The following ZNF669 variants were observed in gnomAD, a reference collection of about 807,000 sequenced individuals.
The protein encoded by ZNF669 is zinc finger protein 669.
Under a neutral mutation model 11.4 loss-of-function variants are expected in ZNF669, and 7 were observed. That is an observed-to-expected ratio of 0.62 (90% CI 0.35 to 1.16). The LOEUF (loss-of-function observed/expected upper bound fraction) is 1.16, where lower values mean the gene tolerates loss of function less well. Ranked by LOEUF, ZNF669 falls within the 50% of genes most tolerant of loss-of-function variation. The pLI, the probability that ZNF669 is intolerant of heterozygous loss-of-function variation, is 0.02. For missense variants in ZNF669, 492 were observed against 463.6 expected, an observed-to-expected ratio of 1.06 and a Z score of -0.56; for synonymous variants, 153 against 155.8, an observed-to-expected ratio of 0.98 and a Z score of 0.13.
At position 247,100,721 on chromosome 1, in the gene ZNF669, G is replaced by C. The variant is rs763192149; in HGVS notation, c.790C>G (p.Arg264Gly). The change falls in exon 4 of 4, where the codon CGT (arginine) becomes GGT (glycine). Residue 264 changes from arginine to glycine, a missense_variant. By Grantham distance (125) the Arg-to-Gly change is moderately radical. Transcript: ENST00000448299. ...CCAGTATGAATGCTTCCATGGTAAC[G>C]AAGGGAAGTGGAACAGCTGAAGGCT... ...DKAFSCSTSL[R>G]YHGSIHTGER... 1.9e-6 allele frequency: 3 copies of C among 1,614,184 alleles called. No individual in the cohort carries two copies. Among genetic ancestry groups the C allele is most frequent in the Non-Finnish European group, 1.7e-6 (2 of 1,180,026 alleles).
In ZNF669 at chr1:247,101,760, A is replaced by C. The variant is rs747815278; in HGVS notation, c.162T>G (p.Asp54Glu). ...GSQWKDQNIEDHFEKPGKDIR... is the reference protein window; with the variant it reads ...GSQWKDQNIEEHFEKPGKDIR... ...TATCTTTCCCAGGTTTTTCGAAGTG[A>C]TCTTCAATATTCTGGTCTTTCCATT... Residue 54 changes from aspartate to glutamate, a missense_variant, in exon 3 of 4, where the codon GAT becomes GAG. By Grantham distance (45) the Asp-to-Glu change is conservative. Coordinates refer to ENST00000448299, the MANE Select transcript of ZNF669 (RefSeq NM_001142572.2). 6.2e-7 allele frequency: 1 copy of C among 1,613,954 alleles called. No homozygotes were observed. Among genetic ancestry groups the C allele is most frequent in the Non-Finnish European group, 8.5e-7 (1 of 1,179,954 alleles).
chr1:247,103,432 G>A (rs1423670095), intron 1 of ZNF669, among the ~76,000 whole-genome samples: 1 of 151,972 alleles, frequency 6.6e-6, no homozygotes, highest in Non-Finnish European at 1.5e-5. Flanking sequence ...TCAGGAGTTC[G>A]AGACCAACCT....
intron 2 of ZNF669, 90 bp from the exon 3 acceptor site, chr1:247,101,881 C>A: frequency 6.3e-7 from 1 of 1,595,454 alleles, no homozygotes; most frequent in Non-Finnish European, 8.6e-7. Flanking sequence ...AGTGCCCATG[C>A]CTGATTTATT....
intron 1 of ZNF669, 42 bp from the exon 2 acceptor site, chr1:247,102,155 T>C: frequency 6.5e-7 from 1 of 1,539,332 alleles, no homozygotes; most frequent in South Asian, 1.2e-5. Context: ...TGGGTGAGAC[T>C]GACAGCACTG....
Position 247,100,505 on chromosome 1 carries a change from T to A in ZNF669, c.1006A>T (p.Lys336Ter). The A allele has an allele frequency of 6.2e-7, 1 of 1,614,240 alleles. No individual in the cohort carries two copies. The change falls in exon 4 of 4, where the codon AAA (lysine) becomes TAA (stop). Residue 336 changes from lysine (K) to a stop codon, truncating the protein, a stop_gained. Coordinates refer to ENST00000448299, the MANE Select transcript of ZNF669 (RefSeq NM_001142572.2). LOFTEE classifies it low-confidence loss of function (END_TRUNC). The stretch of plus-strand genomic sequence containing the variant: ...GAACGAGTGTAGGCTTTACCGCATT[T>A]CTTACATTCATAGGGTTTTTCTCCA... The part of the protein sequence containing the change: ...HTGEKPYECK[K>*]CGKAYTRSSH...
At chr1:247,103,021 T>C (rs1021455709) in intron 1 of ZNF669, among the ~76,000 whole-genome samples, 2 of 152,216 alleles carry the variant, frequency 1.3e-5, no homozygotes, top group African/African-American at 4.8e-5. Flanking sequence ...GAAAAACTAG[T>C]TTTTCATACC....
intron 1 of ZNF669, among the ~76,000 whole-genome samples, chr1:247,103,171 G>A (rs932980935): frequency 6.6e-6 from 1 of 152,108 alleles, no homozygotes; most frequent in East Asian, 1.9e-4. Flanking sequence ...GCAGACCAAG[G>A]GCTGAGGACA....
At chr1:247,101,685 A>G (rs773651273) in intron 3 of ZNF669, 46 bp downstream of exon 3, 25 of 1,519,394 alleles carry the variant, frequency 1.6e-5, no homozygotes, top group Non-Finnish European at 2.2e-5. Context: ...ATGACATGCT[A>G]AGATTCCTTC....
At position 247,100,873 on chromosome 1, in the gene ZNF669, G is replaced by C. The variant is rs755222060; in HGVS notation, c.638C>G (p.Thr213Ser). 1 of 1,614,144 alleles carries C rather than the reference G, an allele frequency of 6.2e-7. No individual in the cohort carries two copies. Residue 213 changes from threonine (T) to serine (S), a missense_variant, in exon 4 of 4, where the codon ACT becomes AGT. Physicochemically the swap from Thr to Ser is moderately conservative, Grantham distance 58. Coordinates refer to ENST00000448299, the MANE Select transcript of ZNF669 (RefSeq NM_001142572.2). ...TTCGTAGGGTTTCTCTCCAGTGTGA[G>C]TTCGTTCATGTATTAGACAAGAACC... The part of the protein sequence containing the change: ...VSGSCLIHER[T>S]HTGEKPYECK...
intron 1 of ZNF669, chr1:247,103,951 G>C: frequency 6.2e-7 from 1 of 1,602,570 alleles, no homozygotes; most frequent in East Asian, 2.3e-5. Flanking sequence ...GGATAGGGGA[G>C]GCGAGGGGTT....
At position 247,102,128 on chromosome 1, in the gene ZNF669, A is replaced by G. The variant is rs748322251; in HGVS notation, c.4-15T>C. The G allele has an allele frequency of 6.3e-7, 1 of 1,577,674 alleles. No individual in the cohort carries two copies. Among genetic ancestry groups the G allele is most frequent in the Admixed American group, 1.9e-5 (1 of 52,084 alleles). On this transcript the variant is annotated splice_polypyrimidine_tract_variant and intron_variant, in intron 1 of 3. Transcript: ENST00000448299. ...GCCACCGAGTCCTAGAACATTCCAC[A>G]CATGTGGATAGAAGGATGGGTGAGA...
rs866409946 is a variant in ZNF669 at position 247,100,946 on chromosome 1, C to A, written c.565G>T (p.Glu189Ter). 1.2e-6 allele frequency: 2 copies of A among 1,613,306 alleles called. No individual in the cohort carries two copies. The highest frequency in any genetic ancestry group is 4.5e-5 in the East Asian group (2 of 44,896). ...VERHQRTHTGEKPYKCKQCGK... is the reference protein window; with the variant it reads ...VERHQRTHTG ...CATTGTTTACATTTATAGGGTTTTT[C>A]TCCTGTGTGAGTTCTCTGATGTCTT... The change falls in exon 4 of 4, where the codon GAA becomes TAA. Residue 189 changes from glutamate to a stop codon, truncating the protein, a stop_gained. Coordinates refer to ENST00000448299, the MANE Select transcript of ZNF669 (RefSeq NM_001142572.2). LOFTEE classifies it low-confidence loss of function (END_TRUNC).
Position 247,104,184 on chromosome 1 carries a change from G to T in ZNF669, c.3+13C>A, listed in dbSNP as rs148474673. ...TCTTCTCCACTTCGGGAAGCCAGGC[G>T]CAGTCCACTCACCATTCCTCGGCTT... On this transcript the variant is annotated intron_variant, in intron 1 of 3. Transcript: ENST00000448299. 252 of 1,530,786 alleles carry T rather than the reference G, an allele frequency of 1.6e-4. No homozygotes were observed. The African/African-American group carries it at 3.1e-3, about 19-fold the overall frequency. 94.8% of individuals were successfully genotyped at this position (1,530,786 alleles called of 1,614,324 possible). A position where few individuals can be genotyped will look rare whatever the true frequency, so the allele number is the denominator to read the frequency against.
rs1218580675 is a variant in ZNF669 at position 247,100,735 on chromosome 1, C to G, written c.776G>C (p.Cys259Ser). The change falls in exon 4 of 4, where the codon TGT (cysteine) becomes TCT (serine). Residue 259 changes from cysteine (C) to serine (S), a missense_variant. Coordinates refer to ENST00000448299, the MANE Select transcript of ZNF669 (RefSeq NM_001142572.2). ...KCTKCDKAFS[C>S]STSLRYHGSI... Reference sequence around the variant, plus strand: ...TCCATGGTAACGAAGGGAAGTGGAACAGCTGAAGGCTTTATCACATTTGGT... The same window carrying G: ...TCCATGGTAACGAAGGGAAGTGGAAGAGCTGAAGGCTTTATCACATTTGGT... 6.2e-7 allele frequency: 1 copy of G among 1,614,208 alleles called. No individual in the cohort carries two copies. The highest frequency in any genetic ancestry group is 1.1e-5 in the South Asian group (1 of 91,078).
Position 247,100,939 on chromosome 1 carries a change from G to C in ZNF669, c.572C>G (p.Pro191Arg), listed in dbSNP as rs756435272. The C allele has an allele frequency of 6.2e-7, 1 of 1,613,596 alleles. No homozygotes were observed. The highest frequency in any genetic ancestry group is 1.1e-5 in the South Asian group (1 of 90,982). Residue 191 changes from proline (P) to arginine (R), a missense_variant, in exon 4 of 4, where the codon CCC (proline) becomes CGC (arginine). Coordinates refer to ENST00000448299, the MANE Select transcript of ZNF669 (RefSeq NM_001142572.2). ...TTTACCACATTGTTTACATTTATAG[G>C]GTTTTTCTCCTGTGTGAGTTCTCTG... ...RHQRTHTGEK[P>R]YKCKQCGKAF...
intron 1 of ZNF669, chr1:247,103,819 G>C (rs1671779706): frequency 7.6e-7 from 1 of 1,308,378 alleles, no homozygotes; most frequent in Non-Finnish European, 1.0e-6. Context: ...CTTAATTTTA[G>C]GGGAAGAAAG....
At chr1:247,101,704 T>A in intron 3 of ZNF669, 27 bp downstream of exon 3, 1 of 1,600,590 alleles carries the variant, frequency 6.2e-7, no homozygotes, top group Non-Finnish European at 8.5e-7. Context: ...TCAGAGGACT[T>A]TATTTCCTCT....
At chr1:247,101,394 T>C in intron 3 of ZNF669, 75 bp from the exon 4 acceptor site, 1 of 1,455,706 alleles carries the variant, frequency 6.9e-7, no homozygotes, top group Non-Finnish European at 9.1e-7. Context: ...GGTCTTGGAC[T>C]TACACTGCTA....
rs1485735538 is a variant in ZNF669 at position 247,104,344 on chromosome 1, G to A, written c.-145C>T. On this transcript the variant is annotated 5_prime_UTR_variant, in exon 1 of 4. Coordinates refer to ENST00000448299, the MANE Select transcript of ZNF669 (RefSeq NM_001142572.2). ...AGACTAACAGGAAGAGCCGGCTCCG[G>A]CGAAGGAGAGACAAAGCAACCGCCA... The A allele has an allele frequency of 6.7e-6, 8 of 1,185,708 alleles. No individual in the cohort carries two copies. Among genetic ancestry groups the A allele is most frequent in the Non-Finnish European group, 8.9e-6 (8 of 898,910 alleles). 73.4% of individuals were successfully genotyped at this position (1,185,708 alleles called of 1,614,324 possible). A position where few individuals can be genotyped will look rare whatever the true frequency, so the allele number is the denominator to read the frequency against.
Sources: allele counts gnomAD v4.1 joint callset (sites outside exome capture counted in the v4.1 genomes callset), GRCh38; gene constraint gnomAD v4.1.1; transcripts MANE v1.5; gene names NCBI Gene and HGNC (gene_info 2026-07-23, HGNC 2026-07-21).